The following SLC39A6 variants were observed in gnomAD, a reference collection of about 807,000 sequenced individuals.
SLC39A6 encodes the protein solute carrier family 39 member 6.
Under a neutral mutation model 63.5 loss-of-function variants are expected in SLC39A6, and 51 were observed. That is an observed-to-expected ratio of 0.80 (90% CI 0.64 to 1.01). The LOEUF (loss-of-function observed/expected upper bound fraction) is 1.01, where lower values mean the gene tolerates loss of function less well. Among genes scored for constraint, SLC39A6 ranks in the 50% least tolerant of loss-of-function variants. The pLI, the probability that SLC39A6 is intolerant of heterozygous loss-of-function variation, is 0.00. For synonymous variants in SLC39A6, 318 were observed against 324.7 expected (o/e 0.98, Z 0.22); for missense variants, 805 against 927.8 (o/e 0.87, Z 1.72).
Position 36,108,836 on chromosome 18 carries a change from A to G in SLC39A6, c.*757T>C, listed in dbSNP as rs2089279619. The G allele has an allele frequency of 6.6e-6, 1 of 152,212 alleles. No individual in the cohort carries two copies. Among genetic ancestry groups the G allele is most frequent in the Admixed American group, 6.5e-5 (1 of 15,276 alleles). 9.4% of individuals were successfully genotyped at this position (152,212 alleles called of 1,614,324 possible). A position where few individuals can be genotyped will look rare whatever the true frequency, so the allele number is the denominator to read the frequency against. On this transcript the variant is annotated 3_prime_UTR_variant, in exon 10 of 10. Coordinates refer to ENST00000269187, the MANE Select transcript of SLC39A6 (RefSeq NM_012319.4). ...ATAACCCAGTCTGGTGATACATAAA[A>G]CTACTCACTGTACTCATCTGGTATA... is the stretch of plus-strand genomic sequence containing the variant.
At chr18:36,127,774 T>TA (rs397692767) in intron 1 of SLC39A6, among the ~76,000 whole-genome samples, 4 of 140,294 alleles carry the variant, frequency 2.9e-5, no homozygotes, top group Non-Finnish European at 4.6e-5. Context: ...ATTTTTTTTT[T>TA]AAAGTTTTTT....
At chr18:36,128,639 G>A (rs1261198075) in intron 1 of SLC39A6, among the ~76,000 whole-genome samples, 1 of 152,172 alleles carries the variant, frequency 6.6e-6, no homozygotes, top group Non-Finnish European at 1.5e-5. Flanking sequence ...GACTAGCACA[G>A]GGGACAGCTC....
At chr18:36,126,115 TCAA>T in intron 2 of SLC39A6, 101 bp downstream of exon 2, 1 of 1,164,816 alleles carries the variant, frequency 8.6e-7, no homozygotes, top group East Asian at 2.4e-5. Flanking sequence ...TTCAATAACT[TCAA>T]CATTTTACTT....
At chr18:36,115,557 G>A (rs2089338513) in intron 6 of SLC39A6, among the ~76,000 whole-genome samples, 1 of 152,132 alleles carries the variant, frequency 6.6e-6, no homozygotes, top group African/African-American at 2.4e-5. Flanking sequence ...GGGTGCTGAG[G>A]GAAGGCCTCT....
At chr18:36,118,981 AT>A (rs1401752970) in intron 5 of SLC39A6, among the ~76,000 whole-genome samples, 4 of 152,168 alleles carry the variant, frequency 2.6e-5, no homozygotes, top group African/African-American at 9.7e-5. Context: ...ATCAGAGATG[AT>A]TCTCTAGTTT....
rs769289754 is a variant in SLC39A6, at chr18:36,112,568, A to G, written c.1857T>C (p.Thr619=). The change falls in exon 8 of 10, where the codon ACT becomes ACC. Residue 619 remains threonine, a synonymous_variant. Transcript: ENST00000269187. The part of the protein sequence containing the change: ...SDGLAIGAAF[T]EGLSSGLSTS... Reference sequence around the variant, plus strand: ...TACTTAAACCACTTGATAAGCCTTCAGTAAAAGCAGCACCTGTGTAAAAAT... The same window carrying G: ...TACTTAAACCACTTGATAAGCCTTCGGTAAAAGCAGCACCTGTGTAAAAAT... 4.3e-6 allele frequency: 7 copies of G among 1,613,454 alleles called. No individual in the cohort carries two copies. Among genetic ancestry groups the G allele is most frequent in the South Asian group, 3.3e-5 (3 of 91,030 alleles).
intron 8 of SLC39A6, among the ~76,000 whole-genome samples, chr18:36,111,493 C>T (rs1970700): frequency 0.79 from 92,587 of 117,430 alleles, 33,996 homozygotes; most frequent in East Asian, 0.86. Context: ...TTTTTTTTTT[C>T]TTTTTTTTGA....
chr18:36,127,400 G>A (rs1246318479), intron 1 of SLC39A6, among the ~76,000 whole-genome samples: 1 of 152,102 alleles, frequency 6.6e-6, no homozygotes, highest in East Asian at 1.9e-4. Flanking sequence ...TAGGCTGGGT[G>A]TGGTGGCTCA....
intron 8 of SLC39A6, among the ~76,000 whole-genome samples, chr18:36,111,780 T>C (rs1311192620): frequency 6.6e-6 from 1 of 152,230 alleles, no homozygotes; most frequent in Non-Finnish European, 1.5e-5. Flanking sequence ...CCACTGCACC[T>C]GGCCAGATAC....
chr18:36,110,539 A>T (rs2089292737), intron 9 of SLC39A6, among the ~76,000 whole-genome samples: 1 of 151,714 alleles, frequency 6.6e-6, no homozygotes, highest in Non-Finnish European at 1.5e-5. Context: ...TCTTTTTTAA[A>T]AAAATGATTT....
At chr18:36,117,868 A>G (rs964999980) in intron 5 of SLC39A6, among the ~76,000 whole-genome samples, 10 of 152,094 alleles carry the variant, frequency 6.6e-5, no homozygotes, top group Admixed American at 1.3e-4. Flanking sequence ...CGTCTCTACT[A>G]AAAATACAAA....
At chr18:36,128,293 AAG>A (rs1320933310) in intron 1 of SLC39A6, among the ~76,000 whole-genome samples, 4 of 152,236 alleles carry the variant, frequency 2.6e-5, no homozygotes, top group Non-Finnish European at 5.9e-5. Flanking sequence ...ACAACTAAGC[AAG>A]AGCATGGGGC....
At chr18:36,124,788 T>C in intron 2 of SLC39A6, 88 bp from the exon 3 acceptor site, 1 of 1,068,944 alleles carries the variant, frequency 9.4e-7, no homozygotes, top group East Asian at 2.5e-5. Context: ...CTAATGCTAC[T>C]TCGTTTTCTC....
chr18:36,114,531 G>A, intron 6 of SLC39A6, 57 bp from the exon 7 acceptor site: 1 of 1,384,056 alleles, frequency 7.2e-7, no homozygotes, highest in Non-Finnish European at 9.8e-7. Flanking sequence ...AATGGACTTG[G>A]AGACATTTCA....
intron 5 of SLC39A6, among the ~76,000 whole-genome samples, chr18:36,117,795 G>C (rs1484219784): frequency 6.6e-6 from 1 of 152,150 alleles, no homozygotes; most frequent in Non-Finnish European, 1.5e-5. Context: ...ACTTTGGGAG[G>C]CCGAGGTGGG....
At chr18:36,120,231 C>A (rs2089381140) in intron 5 of SLC39A6, among the ~76,000 whole-genome samples, 1 of 148,920 alleles carries the variant, frequency 6.7e-6, no homozygotes, top group Non-Finnish European at 1.5e-5. Flanking sequence ...CAGTACTCAC[C>A]ATATAATGAG....
intron 5 of SLC39A6, among the ~76,000 whole-genome samples, chr18:36,117,444 G>C (rs2089355341): frequency 6.6e-6 from 1 of 152,044 alleles, no homozygotes; most frequent in East Asian, 1.9e-4. Context: ...TTTAAAACAA[G>C]CCTCTATTAA....
chr18:36,122,345 T>C (rs1272044667), intron 4 of SLC39A6, 75 bp from the exon 5 acceptor site: 1 of 1,119,802 alleles, frequency 8.9e-7, no homozygotes, highest in African/African-American at 1.6e-5. Context: ...CTAGGTAAGG[T>C]CAAAATTGAA....
intron 6 of SLC39A6, among the ~76,000 whole-genome samples, chr18:36,115,157 G>C (rs2089333254): frequency 6.6e-6 from 1 of 152,126 alleles, no homozygotes; most frequent in South Asian, 2.1e-4. Context: ...AAACTGAAGA[G>C]GGGGCCGGGC....
Sources: gnomAD v4.1 joint callset for allele counts (sites outside exome capture counted in the v4.1 genomes callset) on GRCh38, gnomAD v4.1.1 for gene constraint, MANE v1.5 for transcripts, NCBI Gene and HGNC (gene_info 2026-07-23, HGNC 2026-07-21) for gene names.